Variants in SNAPC3 observed in about 807,000 individuals in gnomAD.
SNAPC3 encodes the protein snRNA-activating protein complex subunit 3.
Under a neutral mutation model 47.7 loss-of-function variants are expected in SNAPC3, and 56 were observed. The observed-to-expected ratio is 1.18, with a 90% CI of 0.95 to 1.47. The LOEUF is 1.47. SNAPC3 is among the 40% of genes most tolerant of loss of function. The pLI, the probability that SNAPC3 is intolerant of heterozygous loss-of-function variation, is 0.00. For synonymous variants in SNAPC3, 235 were observed against 189.9 expected, an observed-to-expected ratio of 1.24 and a Z score of -1.95; for missense variants, 665 against 511.3, an observed-to-expected ratio of 1.30 and a Z score of -2.90.
At chr9:15,433,754 A>G (rs1012887571) in intron 3 of SNAPC3, 118 bp downstream of exon 3, 1 of 573,608 alleles carries the variant, frequency 1.7e-6, no homozygotes, top group African/African-American at 1.9e-5. Context: ...TTGAAAACAA[A>G]CTAGAGAAAC....
At chr9:15,464,296 C>G (rs1277266610), downstream of SNAPC3, 1 of 194,498 alleles carries the variant, frequency 5.1e-6, no homozygotes, top group Non-Finnish European at 1.1e-5. Flanking sequence ...CACACAATGT[C>G]ATACAGAGAC....
At chr9:15,441,930 C>T (rs970667245) in intron 3 of SNAPC3, among the ~76,000 whole-genome samples, 26 of 152,314 alleles carry the variant, frequency 1.7e-4, no homozygotes, top group African/African-American at 4.8e-4. Flanking sequence ...GACGTGGTGG[C>T]GGCCGGGCAG....
intron 3 of SNAPC3, among the ~76,000 whole-genome samples, chr9:15,435,324 G>C (rs2032657007): frequency 6.6e-6 from 1 of 152,168 alleles, no homozygotes; most frequent in Non-Finnish European, 1.5e-5. Flanking sequence ...TGTAATCCCA[G>C]CACTTTGGGA....
At chr9:15,459,043 G>A (rs1427522028) in intron 8 of SNAPC3, among the ~76,000 whole-genome samples, 3 of 152,102 alleles carry the variant, frequency 2.0e-5, no homozygotes, top group African/African-American at 7.2e-5. Context: ...TCTTCAGTTT[G>A]TTTTCGCCAC....
Position 15,447,308 on chromosome 9 carries a change from A to G in SNAPC3, c.732+64A>G, listed in dbSNP as rs1455534318. On this transcript the variant is annotated intron_variant, in intron 5 of 8. Transcript: ENST00000380821. ...AAGCTAAGAAAATAGCGATTACTCT[A>G]GCTGGTTCATAAATGTCCCAGTAAA... 1.7e-5 allele frequency: 24 copies of G among 1,443,294 alleles called. No homozygotes were observed. In the East Asian group the frequency reaches 5.2e-4, roughly 31 times the overall value. The allele number at this position is 1,443,294 out of a possible 1,614,324, so 89.4% of individuals were successfully genotyped here. A position where few individuals can be genotyped will look rare whatever the true frequency, so the allele number is the denominator to read the frequency against.
At chr9:15,458,940 TGCA>T (rs1170449642) in intron 8 of SNAPC3, among the ~76,000 whole-genome samples, 1 of 152,166 alleles carries the variant, frequency 6.6e-6, no homozygotes, top group Non-Finnish European at 1.5e-5. Context: ...GGCAAATATA[TGCA>T]TAATATATTT....
In SNAPC3 at chr9:15,422,946, G is replaced by A. The variant is rs763918371; in HGVS notation, c.67G>A (p.Gly23Ser). The change falls in exon 1 of 9, where the codon GGC becomes AGC. Residue 23 changes from glycine to serine, a missense_variant. Transcript: ENST00000380821. ...GVGGRQDPVS[G>S]SGGCNFPEYE... ...GGGTGGCAGGCAGGACCCAGTCTCCGGCAGTGGCGGCTGCAACTTTCCAGA... is the reference window on the plus strand; with the variant it reads ...GGGTGGCAGGCAGGACCCAGTCTCCAGCAGTGGCGGCTGCAACTTTCCAGA... The A allele has an allele frequency of 1.9e-5, 29 of 1,531,862 alleles. No homozygotes were observed. The East Asian group carries it at 3.2e-4, about 17-fold the overall frequency. The allele number at this position is 1,531,862 out of a possible 1,614,324, so 94.9% of individuals were successfully genotyped here.
chr9:15,465,758 G>C (rs1474259183), downstream of SNAPC3: 7 of 529,168 alleles, frequency 1.3e-5, no homozygotes, highest in East Asian at 9.5e-5. Context: ...CTTCAAAACT[G>C]TTATTTTACC....
chr9:15,425,725 G>T (rs114838529), intron 2 of SNAPC3, among the ~76,000 whole-genome samples: 1,583 of 152,280 alleles, frequency 0.01, 14 homozygotes, highest in African/African-American at 0.037. Flanking sequence ...AACTATTGTT[G>T]ATTGATTAGT....
At chr9:15,427,497 T>TG (rs2031569222) in intron 2 of SNAPC3, among the ~76,000 whole-genome samples, 1 of 152,154 alleles carries the variant, frequency 6.6e-6, no homozygotes, top group Non-Finnish European at 1.5e-5. Context: ...TACTGGCGTG[T>TG]GCCACCATGC....
intron 3 of SNAPC3, 112 bp from the exon 4 acceptor site, chr9:15,444,490 G>A: frequency 1.6e-6 from 1 of 638,850 alleles, no homozygotes; most frequent in South Asian, 1.9e-5. Flanking sequence ...AGTATAATTA[G>A]GTGTCAAACC....
At chr9:15,442,771 C>T (rs981046442) in intron 3 of SNAPC3, among the ~76,000 whole-genome samples, 6 of 152,192 alleles carry the variant, frequency 3.9e-5, no homozygotes, top group East Asian at 1.9e-4. Flanking sequence ...GACGGGGTGG[C>T]GGCCGGGTAC....
At chr9:15,424,980 C>G (rs557320344) in intron 2 of SNAPC3, among the ~76,000 whole-genome samples, 1 of 152,312 alleles carries the variant, frequency 6.6e-6, no homozygotes, top group East Asian at 1.9e-4. Context: ...ACAGTCATTT[C>G]TCCCACTGAT....
chr9:15,448,507 C>A (rs765962372), intron 5 of SNAPC3, among the ~76,000 whole-genome samples: 1 of 152,174 alleles, frequency 6.6e-6, no homozygotes, highest in South Asian at 2.1e-4. Flanking sequence ...TTTCTTGACT[C>A]CTTTCTTTGT....
rs1412879316 is a variant in SNAPC3 at position 15,461,528 on chromosome 9, C to G, written c.*1662C>G. The G allele has an allele frequency of 6.6e-6, 1 of 152,146 alleles. No individual in the cohort carries two copies. The highest frequency in any genetic ancestry group is 1.9e-4 in the East Asian group (1 of 5,196). 9.4% of individuals were successfully genotyped at this position (152,146 alleles called of 1,614,324 possible). A position where few individuals can be genotyped will look rare whatever the true frequency, so the allele number is the denominator to read the frequency against. On this transcript the variant is annotated 3_prime_UTR_variant, in exon 9 of 9. Transcript: ENST00000380821. ...ATTTATTCAAATATTTTCTGGGAAC[C>G]TTTATGGGTAGAACATTTAATACTG...
chr9:15,424,331 CTT>C lies in SNAPC3; in HGVS notation c.392+346_392+347del, dbSNP rs1399161236. 3.3e-5 allele frequency among the ~76,000 whole-genome samples: 5 copies of C among 152,188 alleles called. No homozygotes were observed. The East Asian group carries it at 9.6e-4, about 29-fold the overall frequency. On this transcript the variant is annotated intron_variant, in intron 2 of 8. Coordinates refer to ENST00000380821, the MANE Select transcript of SNAPC3 (RefSeq NM_001039697.2). ...CTATAATATTCAGTCCATATTCAAACTTGTGTTTATTTTTTAATATTTTTGAA... is the reference window on the plus strand; with the variant it reads ...CTATAATATTCAGTCCATATTCAAACGTGTTTATTTTTTAATATTTTTGAA...
At chr9:15,427,413 A>T (rs377303868) in intron 2 of SNAPC3, among the ~76,000 whole-genome samples, 2 of 152,200 alleles carry the variant, frequency 1.3e-5, no homozygotes, top group Non-Finnish European at 2.9e-5. Flanking sequence ...CAGTGGCTCA[A>T]TCTCTCCTCA....
chr9:15,443,643 G>A (rs900835065), intron 3 of SNAPC3, among the ~76,000 whole-genome samples: 1 of 152,168 alleles, frequency 6.6e-6, no homozygotes, highest in Non-Finnish European at 1.5e-5. Flanking sequence ...GGGGGAAGCT[G>A]CTGCCACCAA....
chr9:15,445,993 C>G (rs2033900410), intron 4 of SNAPC3, among the ~76,000 whole-genome samples: 1 of 152,110 alleles, frequency 6.6e-6, no homozygotes, highest in African/African-American at 2.4e-5. Flanking sequence ...AAAAAGAAAC[C>G]AAACCAAAGT....
Sources: allele counts gnomAD v4.1 joint callset (sites outside exome capture counted in the v4.1 genomes callset), GRCh38; gene constraint gnomAD v4.1.1; transcripts MANE v1.5; gene names NCBI Gene and HGNC (gene_info 2026-07-23, HGNC 2026-07-21).